Variants in MAGI2 observed in about 807,000 individuals in gnomAD.
MAGI2 encodes membrane associated guanylate kinase, WW and PDZ domain containing 2.
Under a neutral mutation model 133.3 loss-of-function variants are expected in MAGI2, and 35 were observed. That is an observed-to-expected ratio of 0.26 (90% confidence interval 0.20 to 0.35). The LOEUF (loss-of-function observed/expected upper bound fraction) is 0.35, where lower values mean the gene tolerates loss of function less well. Among genes scored for constraint, MAGI2 ranks in the 10% least tolerant of loss-of-function variants. MAGI2 has a pLI of 1.00. For synonymous variants in MAGI2, 729 were observed against 710.6 expected (o/e 1.03, Z -0.41); for missense variants, 1,636 against 1,863.4 (o/e 0.88, Z 2.25).
At chr7:79,351,184 A>G (rs1841666114) in intron 1 of MAGI2, among the ~76,000 whole-genome samples, 2 of 152,290 alleles carry the variant, frequency 1.3e-5, no homozygotes, top group South Asian at 2.1e-4. Flanking sequence ...GAATGATTTT[A>G]CATTTTCATA....
intron 1 of MAGI2, among the ~76,000 whole-genome samples, chr7:79,122,385 T>C (rs372365882): frequency 2.0e-5 from 3 of 152,144 alleles, no homozygotes; most frequent in African/African-American, 7.2e-5. Context: ...AGGACAAAAC[T>C]GTCTCGGGAA....
At chr7:78,556,032 C>T (rs985974967) in intron 3 of MAGI2, among the ~76,000 whole-genome samples, 12 of 152,056 alleles carry the variant, frequency 7.9e-5, no homozygotes, top group Non-Finnish European at 1.3e-4. Context: ...GCCTTAAATT[C>T]AATATATGTT....
At chr7:78,667,346 T>G (rs1199266191) in intron 2 of MAGI2, among the ~76,000 whole-genome samples, 1 of 146,778 alleles carries the variant, frequency 6.8e-6, no homozygotes, top group Non-Finnish European at 1.5e-5. Context: ...TTGTAACCAA[T>G]TGGGTTTTTT....
intron 1 of MAGI2, among the ~76,000 whole-genome samples, chr7:79,423,619 A>G (rs1412384843): frequency 1.3e-5 from 2 of 152,090 alleles, no homozygotes; most frequent in Non-Finnish European, 2.9e-5. Context: ...TTTAGATACG[A>G]AGTATATGTA....
intron 1 of MAGI2, among the ~76,000 whole-genome samples, chr7:79,281,343 C>A (rs1057315395): frequency 4.6e-5 from 7 of 151,942 alleles, no homozygotes; most frequent in Non-Finnish European, 8.8e-5. Flanking sequence ...ATGCTGCTGC[C>A]AGTAATCCTG....
rs1830785622 is a variant in MAGI2 at position 79,225,621 on chromosome 7, C to A, written c.302-218415G>T. ...CTAAAGTTTGTAAAATATATCACAG[C>A]AGTTAATGTTGTAATAGTTCTTTTG... On this transcript the variant is annotated intron_variant, in intron 1 of 21. Coordinates refer to ENST00000354212, the MANE Select transcript of MAGI2 (RefSeq NM_012301.4). 3.9e-5 allele frequency among the ~76,000 whole-genome samples: 6 copies of A among 152,096 alleles called. No individual in the cohort carries two copies. In the South Asian group the frequency reaches 1.2e-3, roughly 31 times the overall value.
At chr7:79,087,523 T>C (rs1816626086) in intron 1 of MAGI2, among the ~76,000 whole-genome samples, 1 of 151,950 alleles carries the variant, frequency 6.6e-6, no homozygotes, top group Admixed American at 6.6e-5. Flanking sequence ...AATGTTTAGT[T>C]GAGGCTTTTA....
At chr7:79,051,746 C>G (rs186787661) in intron 1 of MAGI2, among the ~76,000 whole-genome samples, 33 of 152,168 alleles carry the variant, frequency 2.2e-4, no homozygotes, top group Admixed American at 2.0e-3. Context: ...AATGTCATGA[C>G]TATGCAAAGC....
intron 7 of MAGI2, among the ~76,000 whole-genome samples, chr7:78,356,804 C>T (rs951765765): frequency 6.6e-6 from 1 of 152,178 alleles, no homozygotes; most frequent in Non-Finnish European, 1.5e-5. Context: ...GGAGGTGCCA[C>T]TTGACTCTTG....
At chr7:79,139,204 G>T (rs1821892997) in intron 1 of MAGI2, among the ~76,000 whole-genome samples, 1 of 151,968 alleles carries the variant, frequency 6.6e-6, no homozygotes, top group African/African-American at 2.4e-5. Context: ...TTTTGTTATG[G>T]CAGTCCTAGG....
intron 11 of MAGI2, among the ~76,000 whole-genome samples, chr7:78,199,041 T>C (rs1248732649): frequency 6.6e-6 from 1 of 152,150 alleles, no homozygotes; most frequent in Non-Finnish European, 1.5e-5. Flanking sequence ...CATATAACAT[T>C]TCCTTATTCT....
At chr7:78,620,629 G>A (rs1459373212) in intron 3 of MAGI2, among the ~76,000 whole-genome samples, 4 of 151,978 alleles carry the variant, frequency 2.6e-5, no homozygotes, top group East Asian at 1.9e-4. Flanking sequence ...TAGGGTCCAC[G>A]ATTATAAGAA....
chr7:78,208,327 T>G (rs920697938), intron 10 of MAGI2, among the ~76,000 whole-genome samples: 4 of 152,094 alleles, frequency 2.6e-5, no homozygotes, highest in Admixed American at 2.6e-4. Flanking sequence ...GTAATCCCAA[T>G]GACTATCAAA....
chr7:79,310,214 T>TCTCCATCA lies in MAGI2; in HGVS notation c.301+142798_301+142805dup, dbSNP rs142551605. 1.0e-3 allele frequency among the ~76,000 whole-genome samples: 123 copies of TCTCCATCA among 119,376 alleles called. 4 individuals are homozygous for TCTCCATCA. In the East Asian group the frequency reaches 0.03, roughly 29 times the overall value. 78.3% of individuals were successfully genotyped at this position (119,376 alleles called of 152,430 possible). ...AAAAAAAGAGAGAGAGAGAGAAATA[T>TCTCCATCA]CTCCATCAGTGTTAAATATTCGAAT... On this transcript the variant is annotated intron_variant, in intron 1 of 21. Transcript: ENST00000354212.
chr7:78,844,520 G>A (rs1264892112), intron 2 of MAGI2, among the ~76,000 whole-genome samples: 1 of 151,894 alleles, frequency 6.6e-6, no homozygotes, highest in African/African-American at 2.4e-5. Flanking sequence ...CTACAACATG[G>A]ATGAACCTTA....
intron 2 of MAGI2, among the ~76,000 whole-genome samples, chr7:78,865,736 C>G (rs1794503097): frequency 6.6e-6 from 1 of 152,132 alleles, no homozygotes; most frequent in Non-Finnish European, 1.5e-5. Flanking sequence ...CTTATGTTTA[C>G]AGATTTTTAG....
intron 1 of MAGI2, among the ~76,000 whole-genome samples, chr7:79,394,102 A>G (rs907000531): frequency 6.6e-6 from 1 of 152,096 alleles, no homozygotes; most frequent in African/African-American, 2.4e-5. Flanking sequence ...TTGTCTCCCA[A>G]TTCAGGATCC....
intron 3 of MAGI2, among the ~76,000 whole-genome samples, chr7:78,606,017 G>T (rs1261493183): frequency 6.6e-6 from 1 of 152,032 alleles, no homozygotes; most frequent in Non-Finnish European, 1.5e-5. Context: ...GGATAAGAGG[G>T]GCACATGAAG....
At chr7:79,304,170 T>A (rs1837585517) in intron 1 of MAGI2, among the ~76,000 whole-genome samples, 1 of 147,058 alleles carries the variant, frequency 6.8e-6, no homozygotes. Flanking sequence ...AAGTGCCAAT[T>A]TTCAACTGGG....
Sources: allele counts gnomAD v4.1 joint callset (sites outside exome capture counted in the v4.1 genomes callset), GRCh38; gene constraint gnomAD v4.1.1; transcripts MANE v1.5; gene names NCBI Gene and HGNC (gene_info 2026-07-23, HGNC 2026-07-21).